The following THSD7B variants were observed in gnomAD, a reference collection of about 807,000 sequenced individuals.
The protein encoded by THSD7B is thrombospondin type 1 domain containing 7B, also known as thrombospondin type-1 domain-containing protein 7B.
In THSD7B, 138 loss-of-function variants were observed where a neutral mutation model predicts 213.6. That is an observed-to-expected ratio of 0.65 (90% CI 0.56 to 0.74). The LOEUF is 0.74. Ranked by LOEUF, THSD7B falls within the 30% of genes least tolerant of loss-of-function variation. The pLI is 0.00. For missense variants in THSD7B, 1,931 were observed against 1,991.5 expected, an observed-to-expected ratio of 0.97 and a Z score of 0.58; for synonymous variants, 742 against 687.0, an observed-to-expected ratio of 1.08 and a Z score of -1.25.
At chr2:136,980,301 G>A (rs34197517) in intron 2 of THSD7B, among the ~76,000 whole-genome samples, 17,177 of 152,196 alleles carry the variant, frequency 0.11, 1,119 homozygotes, top group African/African-American at 0.17. Context: ...AGTGCTTGGC[G>A]CTGGGGGGAA....
rs181541614 is a variant in THSD7B, at chr2:137,071,576, T to A, written c.950+14346T>A. Among the ~76,000 whole-genome samples the A allele has an allele frequency of 3.4e-3, 525 of 152,342 alleles. 7 individuals carry two copies. The East Asian group carries it at 0.043, about 12-fold the overall frequency. ...CTTTAGTTTAATTAGATCCCATTTG[T>A]CAATATTGGCTTTTGTTGCCATTGC... On this transcript the variant is annotated intron_variant, in intron 3 of 27. Transcript: ENST00000409968.
chr2:137,227,112 T>C (rs1681524401), intron 7 of THSD7B, among the ~76,000 whole-genome samples: 1 of 152,156 alleles, frequency 6.6e-6, no homozygotes, highest in Non-Finnish European at 1.5e-5. Flanking sequence ...GGGGCTTTAC[T>C]TTGGAGTGAT....
intron 17 of THSD7B, among the ~76,000 whole-genome samples, chr2:137,592,431 G>C (rs1573731117): frequency 6.7e-6 from 1 of 149,964 alleles, no homozygotes; most frequent in South Asian, 2.1e-4. Flanking sequence ...TTATGAATGT[G>C]GTACCCTTTA....
At chr2:136,957,350 A>T (rs2105080129) in intron 2 of THSD7B, among the ~76,000 whole-genome samples, 1 of 151,808 alleles carries the variant, frequency 6.6e-6, no homozygotes, top group South Asian at 2.1e-4. Context: ...GACAGATGGG[A>T]GGGAGAGGAG....
intron 12 of THSD7B, among the ~76,000 whole-genome samples, chr2:137,387,013 A>C (rs1204582477): frequency 6.6e-6 from 1 of 152,238 alleles, no homozygotes; most frequent in African/African-American, 2.4e-5. Context: ...AATTGAAAAG[A>C]ATCAGATAAC....
intron 12 of THSD7B, among the ~76,000 whole-genome samples, chr2:137,360,950 A>G (rs112044170): frequency 0.036 from 5,510 of 152,268 alleles, 345 homozygotes; most frequent in African/African-American, 0.13. Flanking sequence ...GACATCTCCC[A>G]CTAGGGGCCG....
intron 3 of THSD7B, among the ~76,000 whole-genome samples, chr2:137,086,736 G>A (rs749116548): frequency 6.6e-6 from 1 of 152,132 alleles, no homozygotes; most frequent in Non-Finnish European, 1.5e-5. Context: ...TGATGTGAGA[G>A]GAACATAAAG....
At chr2:137,511,546 A>T (rs1293273399) in intron 15 of THSD7B, among the ~76,000 whole-genome samples, 1 of 152,166 alleles carries the variant, frequency 6.6e-6, no homozygotes. Flanking sequence ...GCAGTCCTTG[A>T]TATGTCCATT....
intron 7 of THSD7B, among the ~76,000 whole-genome samples, chr2:137,174,765 G>C (rs1405785262): frequency 1.3e-5 from 2 of 152,152 alleles, no homozygotes; most frequent in Non-Finnish European, 2.9e-5. Flanking sequence ...GAATAGCTTT[G>C]ATTTCTGTCC....
At chr2:136,839,879 T>C (rs553902296) in intron 1 of THSD7B, among the ~76,000 whole-genome samples, 1 of 152,310 alleles carries the variant, frequency 6.6e-6, no homozygotes, top group South Asian at 2.1e-4. Flanking sequence ...AGCTTCAAAA[T>C]GGTATCTTTT....
chr2:136,979,689 A>C (rs1183328766), intron 2 of THSD7B, among the ~76,000 whole-genome samples: 1 of 152,076 alleles, frequency 6.6e-6, no homozygotes, highest in Admixed American at 6.5e-5. Context: ...ATGTTTTATC[A>C]TGGTTCTTGG....
intron 20 of THSD7B, among the ~76,000 whole-genome samples, chr2:137,637,677 T>C (rs1682858934): frequency 1.3e-5 from 2 of 152,230 alleles, no homozygotes; most frequent in South Asian, 4.1e-4. Flanking sequence ...TTCTTTTGCA[T>C]TTATTAGATT....
At chr2:137,641,933 C>T (rs937314748) in intron 20 of THSD7B, among the ~76,000 whole-genome samples, 5 of 152,078 alleles carry the variant, frequency 3.3e-5, no homozygotes, top group African/African-American at 1.2e-4. Flanking sequence ...CTTGGGGTAG[C>T]ACCTTCCTAG....
intron 21 of THSD7B, among the ~76,000 whole-genome samples, chr2:137,651,071 G>A (rs1683128716): frequency 6.6e-6 from 1 of 152,032 alleles, no homozygotes; most frequent in Non-Finnish European, 1.5e-5. Flanking sequence ...CTTGGATCAG[G>A]GAAAGCTGGC....
intron 7 of THSD7B, among the ~76,000 whole-genome samples, chr2:137,175,003 G>C (rs1353328769): frequency 6.6e-6 from 1 of 152,184 alleles, no homozygotes; most frequent in Non-Finnish European, 1.5e-5. Flanking sequence ...GTTCGTTATT[G>C]CCAGGTGTCA....
intron 16 of THSD7B, among the ~76,000 whole-genome samples, chr2:137,564,004 G>T (rs1681178856): frequency 6.6e-6 from 1 of 152,124 alleles, no homozygotes; most frequent in Non-Finnish European, 1.5e-5. Flanking sequence ...GAAGAACGAT[G>T]TCCTTACCAA....
At chr2:137,214,370 G>A (rs1263244287) in intron 7 of THSD7B, among the ~76,000 whole-genome samples, 1 of 152,014 alleles carries the variant, frequency 6.6e-6, no homozygotes, top group Non-Finnish European at 1.5e-5. Context: ...ATCTCTAGCT[G>A]GTATGTAATA....
intron 1 of THSD7B, among the ~76,000 whole-genome samples, chr2:136,788,306 G>A (rs1245853066): frequency 6.6e-6 from 1 of 152,162 alleles, no homozygotes; most frequent in Non-Finnish European, 1.5e-5. Context: ...TTGGAGTATG[G>A]TTCTGCTCTG....
chr2:137,261,932 A>G (rs1573918633), intron 10 of THSD7B, among the ~76,000 whole-genome samples: 1 of 151,950 alleles, frequency 6.6e-6, no homozygotes, highest in East Asian at 1.9e-4. Context: ...AAAAAAAAAA[A>G]AAGCCCAGGA....
Sources: allele counts gnomAD v4.1 joint callset (sites outside exome capture counted in the v4.1 genomes callset), GRCh38; gene constraint gnomAD v4.1.1; transcripts MANE v1.5; gene names NCBI Gene and HGNC (gene_info 2026-07-23, HGNC 2026-07-21).